RNF38: variants seen among roughly 807,000 people sequenced by gnomAD.
RNF38 encodes E3 ubiquitin-protein ligase RNF38.
RNF38 carries 15 observed loss-of-function variants against 67.2 expected under a neutral mutation model. The observed-to-expected ratio is 0.22, with a 90% confidence interval of 0.15 to 0.34. The LOEUF is 0.34. Among genes scored for constraint, RNF38 ranks in the 10% least tolerant of loss-of-function variants. The pLI, the probability that RNF38 is intolerant of heterozygous loss-of-function variation, is 1.00. For missense variants in RNF38, 524 were observed against 639.9 expected, an observed-to-expected ratio of 0.82 and a Z score of 1.95; for synonymous variants, 220 against 218.8, an observed-to-expected ratio of 1.01 and a Z score of -0.05.
At chr9:36,397,781 CTT>C (rs141033780) in intron 1 of RNF38, among the ~76,000 whole-genome samples, 9,550 of 152,262 alleles carry the variant, frequency 0.063, 337 homozygotes, top group South Asian at 0.14. Context: ...TTTAAATAAA[CTT>C]TTCTTTCCTT....
chr9:36,392,090 C>A lies in RNF38; in HGVS notation c.13-1474G>T, dbSNP rs150458550. On this transcript the variant is annotated intron_variant, in intron 1 of 11. Coordinates refer to ENST00000259605, the MANE Select transcript of RNF38 (RefSeq NM_022781.5). ...GTATGGCTAGATAGTAAGGAAGCAG[C>A]CAGAAACCGATCATAAAATGAAATG... Among the ~76,000 whole-genome samples, 82 of 152,154 alleles carry A rather than the reference C, an allele frequency of 5.4e-4. 1 individual carries two copies. In the East Asian group the frequency reaches 0.011, roughly 21 times the overall value.
intron 1 of RNF38, 120 bp from the exon 2 acceptor site, chr9:36,390,736 A>G (rs1205228739): frequency 3.9e-6 from 4 of 1,021,088 alleles, no homozygotes; most frequent in Non-Finnish European, 5.7e-6. Context: ...CGAAGACAGG[A>G]AAGAAATTAA....
At chr9:36,361,587 G>C (rs1834541064) in intron 4 of RNF38, among the ~76,000 whole-genome samples, 2 of 152,138 alleles carry the variant, frequency 1.3e-5, no homozygotes, top group South Asian at 4.2e-4. Context: ...TACAACACTT[G>C]AGCATTCAAA....
exon 1 of RNF38, chr9:36,487,520 G>A: frequency 1.0e-6 from 1 of 980,830 alleles, no homozygotes; most frequent in South Asian, 4.5e-5. Context: ...GGCTGCTGAG[G>A]CGGCGGCGGC....
intron 1 of RNF38, among the ~76,000 whole-genome samples, chr9:36,444,697 G>A (rs1172020829): frequency 6.6e-6 from 1 of 152,126 alleles, no homozygotes; most frequent in Non-Finnish European, 1.5e-5. Context: ...CTACTTGGGA[G>A]GCTGAGGTGG....
At chr9:36,343,037 A>T (rs1219348540) in intron 10 of RNF38, among the ~76,000 whole-genome samples, 1 of 152,226 alleles carries the variant, frequency 6.6e-6, no homozygotes, top group African/African-American at 2.4e-5. Flanking sequence ...TATGCTTTAA[A>T]ATCATCACTA....
intron 1 of RNF38, among the ~76,000 whole-genome samples, chr9:36,392,323 T>C (rs1388542677): frequency 6.6e-6 from 1 of 152,238 alleles, no homozygotes; most frequent in Non-Finnish European, 1.5e-5. Context: ...CTGTACAGAA[T>C]GTTCTGATCT....
intron 2 of RNF38, among the ~76,000 whole-genome samples, chr9:36,378,846 A>C (rs932637364): frequency 3.3e-5 from 5 of 152,096 alleles, no homozygotes; most frequent in Non-Finnish European, 7.4e-5. Context: ...CAAAGAAGAG[A>C]CAAAGAATGG....
chr9:36,408,868 A>C (rs758995822), intron 2 of RNF38, among the ~76,000 whole-genome samples: 1 of 152,230 alleles, frequency 6.6e-6, no homozygotes, highest in African/African-American at 2.4e-5. Context: ...TTATACTTAC[A>C]TAAGTGCTTC....
chr9:36,401,187 C>T (rs1275106423), upstream of RNF38: 7 of 977,186 alleles, frequency 7.2e-6, no homozygotes, highest in South Asian at 2.4e-4. Context: ...TGTTTCCACC[C>T]CGAGGGGGAA....
At chr9:36,482,207 C>T (rs924350952) in intron 1 of RNF38, among the ~76,000 whole-genome samples, 4 of 151,734 alleles carry the variant, frequency 2.6e-5, no homozygotes, top group African/African-American at 9.7e-5. Flanking sequence ...GCATGTGCCA[C>T]CACGCCTGGC....
chr9:36,386,081 G>A (rs1486943992), intron 2 of RNF38, among the ~76,000 whole-genome samples: 1 of 152,182 alleles, frequency 6.6e-6, no homozygotes, highest in Non-Finnish European at 1.5e-5. Flanking sequence ...TGTGTTGATT[G>A]TAATGGTTCC....
intron 1 of RNF38, among the ~76,000 whole-genome samples, chr9:36,441,789 T>G (rs1839197266): frequency 1.3e-5 from 2 of 152,168 alleles, no homozygotes; most frequent in Admixed American, 1.3e-4. Context: ...TATTGCTCTA[T>G]GACACCTCAA....
At chr9:36,356,523 T>G in intron 5 of RNF38, 50 bp from the exon 6 acceptor site, 1 of 1,447,148 alleles carries the variant, frequency 6.9e-7, no homozygotes, top group Non-Finnish European at 9.3e-7. Flanking sequence ...AATATATGAT[T>G]AATTTAAAAG....
At chr9:36,436,302 G>A (rs778355275) in intron 1 of RNF38, among the ~76,000 whole-genome samples, 1 of 152,058 alleles carries the variant, frequency 6.6e-6, no homozygotes, top group East Asian at 1.9e-4. Context: ...GATCTCAATG[G>A]GAAAGCTGAC....
chr9:36,457,449 T>C (rs1839619860), intron 1 of RNF38, among the ~76,000 whole-genome samples: 1 of 152,230 alleles, frequency 6.6e-6, no homozygotes, highest in African/African-American at 2.4e-5. Flanking sequence ...TGAGTTCTGC[T>C]TACACCATTA....
At chr9:36,398,281 T>G (rs560906932) in intron 1 of RNF38, among the ~76,000 whole-genome samples, 39 of 152,228 alleles carry the variant, frequency 2.6e-4, no homozygotes, top group Non-Finnish European at 3.7e-4. Context: ...GGGAAAGATC[T>G]AAGGCAGGCA....
rs891646111 is a variant in RNF38, at chr9:36,443,724, G to GA, written n.242-19042dup. On this transcript the variant is annotated intron_variant and non_coding_transcript_variant, in intron 1 of 3. Coordinates refer to the RNF38 transcript ENST00000488058. ...GAAAGGCAGGCATAACCACTGAACT[G>GA]AAAAAAAATAGGATGGTAAACAGAC... is the stretch of plus-strand genomic sequence containing the variant. Among the ~76,000 whole-genome samples, 11 of 151,894 alleles carry GA rather than the reference G, an allele frequency of 7.2e-5. No homozygotes were observed. The East Asian group carries it at 9.7e-4, about 13-fold the overall frequency.
chr9:36,342,480 T>C, intron 10 of RNF38, 56 bp from the exon 11 acceptor site: 2 of 1,075,644 alleles, frequency 1.9e-6, no homozygotes, highest in South Asian at 2.5e-5. Context: ...TCTATTGTTA[T>C]GACTACTGAA....
Sources: allele counts gnomAD v4.1 joint callset (sites outside exome capture counted in the v4.1 genomes callset), GRCh38; gene constraint gnomAD v4.1.1; transcripts MANE v1.5; gene names NCBI Gene and HGNC (gene_info 2026-07-23, HGNC 2026-07-21).